Variants in PPL observed in about 807,000 individuals in gnomAD.
The protein encoded by PPL is periplakin.
PPL carries 198 observed loss-of-function variants against 194.4 expected under a neutral mutation model. The ratio of observed to expected loss-of-function variants is 1.02; its 90% CI spans 0.91 to 1.15. The LOEUF is 1.15. PPL is among the 50% of genes most tolerant of loss of function. The probability of loss-of-function intolerance (pLI) is 0.00; values close to 1 mark genes in which losing one functional copy is unlikely to be tolerated. For synonymous variants in PPL, 1,220 were observed against 972.4 expected (o/e 1.25, Z -4.74); for missense variants, 2,885 against 2,294.8 (o/e 1.26, Z -5.25).
rs2089283658 is a variant in PPL, at chr16:4,935,401, G to A, written c.62+1583C>T. Among the ~76,000 whole-genome samples, 4 of 152,122 alleles carry A rather than the reference G, an allele frequency of 2.6e-5. No homozygotes were observed. In the South Asian group the frequency reaches 8.3e-4, roughly 32 times the overall value. On this transcript the variant is annotated intron_variant, in intron 1 of 21. Transcript: ENST00000345988. Reference sequence around the variant, plus strand: ...AGGACTGGATGGGTCTAGTCTCTGGGGTGGAGAGGACAGAACGGTTCTCCA... The same window carrying A: ...AGGACTGGATGGGTCTAGTCTCTGGAGTGGAGAGGACAGAACGGTTCTCCA...
chr16:4,900,839 C>G lies in PPL; in HGVS notation c.597G>C (p.Gln199His), dbSNP rs950639163. ...EQNSELRAKYQKLLAASQARQ... is the reference protein window; with the variant it reads ...EQNSELRAKYHKLLAASQARQ... Reference sequence around the variant, plus strand: ...CCAGGGAGCTCCTCACCAGCAGTTTCTGGTACTTGGCCCGGAGTTCGCTGT... The same window carrying G: ...CCAGGGAGCTCCTCACCAGCAGTTTGTGGTACTTGGCCCGGAGTTCGCTGT... Residue 199 changes from glutamine (Q) to histidine (H), a missense_variant, in exon 6 of 22, where the codon CAG (glutamine) becomes CAC (histidine). By Grantham distance (24) the Gln-to-His change is conservative. Transcript: ENST00000345988. 1.2e-6 allele frequency: 2 copies of G among 1,614,060 alleles called. No individual in the cohort carries two copies. The highest frequency in any genetic ancestry group is 2.7e-5 in the African/African-American group (2 of 74,944).
At position 4,884,187 on chromosome 16, in the gene PPL, G is replaced by C. The variant is rs771150045; in HGVS notation, c.4468C>G (p.Leu1490Val). ...TTCTCCTTGACCTCCGCCTTCTCCA[G>C]TGCAGCCAGTTTCCTCCGGAGGGTC... is the stretch of plus-strand genomic sequence containing the variant. Reference protein sequence around the residue: ...LETLRRKLAALEKAEVKEKVV... With the variant: ...LETLRRKLAAVEKAEVKEKVV... The change falls in exon 22 of 22, where the codon CTG (leucine) becomes GTG (valine). Residue 1490 changes from leucine to valine, a missense_variant. Leu to Val is a conservative substitution (Grantham distance 32). Coordinates refer to ENST00000345988, the MANE Select transcript of PPL (RefSeq NM_002705.5). The surrounding 1 kb of genome is among the most constrained non-coding windows in gnomAD (Gnocchi z 5.7). 6.2e-7 allele frequency: 1 copy of C among 1,613,938 alleles called. No homozygotes were observed. Among genetic ancestry groups the C allele is most frequent in the Non-Finnish European group, 8.5e-7 (1 of 1,179,978 alleles).
intron 2 of PPL, 76 bp downstream of exon 2, chr16:4,910,774 T>C (rs2088802584): frequency 7.7e-7 from 1 of 1,302,818 alleles, no homozygotes; most frequent in South Asian, 1.2e-5. Context: ...GAATCACCGA[T>C]TCCAAACAGA....
intron 9 of PPL, among the ~76,000 whole-genome samples, chr16:4,896,638 TG>T (rs370795879): frequency 2.1e-4 from 30 of 145,922 alleles, no homozygotes; most frequent in East Asian, 3.9e-4. Flanking sequence ...AGTACGGGGT[TG>T]TTTTTTTTTT....
intron 1 of PPL, among the ~76,000 whole-genome samples, chr16:4,928,766 T>G (rs1453887187): frequency 6.6e-6 from 1 of 152,104 alleles, no homozygotes; most frequent in East Asian, 1.9e-4. Flanking sequence ...ATCCCAGCAC[T>G]TTAGGAAGCC....
intron 1 of PPL, among the ~76,000 whole-genome samples, chr16:4,912,612 G>A (rs1046125631): frequency 1.3e-5 from 2 of 152,222 alleles, no homozygotes; most frequent in African/African-American, 4.8e-5. Flanking sequence ...TGTTTACAAA[G>A]GTAACTTCTC....
chr16:4,908,603 TC>T (rs2088753297), intron 2 of PPL, among the ~76,000 whole-genome samples: 1 of 152,222 alleles, frequency 6.6e-6, no homozygotes, highest in Admixed American at 6.5e-5. Flanking sequence ...AGTGGTGTCA[TC>T]TCTGCTCACT....
intron 1 of PPL, among the ~76,000 whole-genome samples, chr16:4,918,250 A>G (rs1369616170): frequency 4.7e-5 from 7 of 149,594 alleles, no homozygotes; most frequent in East Asian, 2.0e-4. Context: ...CCGAGATTGC[A>G]CCACTACACT....
intron 1 of PPL, among the ~76,000 whole-genome samples, chr16:4,918,164 G>A (rs1218588792): frequency 3.3e-5 from 5 of 151,616 alleles, no homozygotes; most frequent in Non-Finnish European, 7.4e-5. Flanking sequence ...ATGATGGCAG[G>A]TACCTGTAAT....
intron 1 of PPL, among the ~76,000 whole-genome samples, chr16:4,914,890 C>G (rs901199497): frequency 3.9e-5 from 6 of 152,144 alleles, no homozygotes; most frequent in Non-Finnish European, 7.4e-5. Context: ...GTTGGGCAGG[C>G]CACATGGAGA....
At chr16:4,889,082 A>C in intron 18 of PPL, 21 bp from the exon 19 acceptor site, 2 of 1,608,076 alleles carry the variant, frequency 1.2e-6, no homozygotes, top group Non-Finnish European at 1.7e-6. Context: ...GAGTTTAAAA[A>C]TCAAAACTAA....
chr16:4,901,447 G>A (rs1357096201), intron 4 of PPL, among the ~76,000 whole-genome samples: 18 of 152,202 alleles, frequency 1.2e-4, no homozygotes, highest in Admixed American at 7.9e-4. Context: ...CAGGCACTTT[G>A]GGAGGCCAAT....
chr16:4,911,110 A>G (rs1290482458), intron 1 of PPL, among the ~76,000 whole-genome samples, 161 bp from the exon 2 acceptor site: 1 of 150,032 alleles, frequency 6.7e-6, no homozygotes, highest in Admixed American at 6.6e-5. Context: ...GGGCAACATC[A>G]CTAAAGCCAC....
Position 4,884,217 on chromosome 16 carries a change from G to A in PPL, c.4438C>T (p.Leu1480Phe), listed in dbSNP as rs2088164969. 1 of 1,613,688 alleles carries A rather than the reference G, an allele frequency of 6.2e-7. No individual in the cohort carries two copies. The change falls in exon 22 of 22, where the codon CTC (leucine) becomes TTC (phenylalanine). Residue 1480 changes from leucine to phenylalanine, a missense_variant. By Grantham distance (22) the Leu-to-Phe change is conservative (BLOSUM62 0). Transcript: ENST00000345988. This position sits in a 1 kb window ranked among gnomAD's most constrained non-coding sequence, Gnocchi z 5.7. ...GCCAGTTTCCTCCGGAGGGTCTCGA[G>A]CTCCCCCTCCAGGAGCTGCCGCCGG... ...QHRRQLLEGELETLRRKLAAL... is the reference protein window; with the variant it reads ...QHRRQLLEGEFETLRRKLAAL...
intron 17 of PPL, 50 bp downstream of exon 17, chr16:4,890,678 A>C: frequency 2.6e-6 from 4 of 1,542,884 alleles, no homozygotes; most frequent in Non-Finnish European, 3.5e-6. Context: ...AGAGGGAATT[A>C]GATCGCATTC....
At chr16:4,920,867 T>A (rs189274216) in intron 1 of PPL, among the ~76,000 whole-genome samples, 1 of 152,274 alleles carries the variant, frequency 6.6e-6, no homozygotes, top group Non-Finnish European at 1.5e-5. Context: ...CCTCCTAAAG[T>A]ACAGGGATTA....
chr16:4,885,034 C>T lies in PPL; in HGVS notation c.3621G>A (p.Glu1207=), dbSNP rs763199216. 6.2e-7 allele frequency: 1 copy of T among 1,613,718 alleles called. No individual in the cohort carries two copies. The highest frequency in any genetic ancestry group is 2.2e-5 in the East Asian group (1 of 44,874). ...GCTCACTCTGGTAGCTCCGGAGCTG[C>T]TCCTCGGCACCCCGGTACTTTCGCT... ...EQERKYRGAE[E]QLRSYQSELE... The change falls in exon 22 of 22, where the codon GAG becomes GAA. Residue 1207 remains glutamate, a synonymous_variant. Transcript: ENST00000345988. This position sits in a 1 kb window ranked among gnomAD's most constrained non-coding sequence, Gnocchi z 6.3.
chr16:4,920,345 G>GAGAAAGAAAAGAAAGAAAGAAAGAA (rs2089020373), intron 1 of PPL, among the ~76,000 whole-genome samples: 5 of 25,078 alleles, frequency 2.0e-4, no homozygotes, highest in Non-Finnish European at 8.3e-4. Flanking sequence ...GAGAGAGAGA[G>GAGAAAGAAAAGAAAGAAAGAAAGAA]AGAAAGAAAG....
intron 3 of PPL, among the ~76,000 whole-genome samples, chr16:4,903,115 G>A (rs757670610): frequency 1.3e-5 from 2 of 152,198 alleles, no homozygotes; most frequent in African/African-American, 2.4e-5. Context: ...ATCCAGCAGG[G>A]CCCACAGTGT....
Sources: gnomAD v4.1 joint callset for allele counts (sites outside exome capture counted in the v4.1 genomes callset) on GRCh38, gnomAD v4.1.1 for gene constraint, Gnocchi (gnomAD v3.1) non-coding constraint, MANE v1.5 for transcripts, NCBI Gene and HGNC (gene_info 2026-07-23, HGNC 2026-07-21) for gene names.